RBFOX1: variants seen among roughly 807,000 people sequenced by gnomAD.
RBFOX1 encodes RNA binding protein fox-1 homolog 1.
RBFOX1 carries 8 observed loss-of-function variants against 57.7 expected under a neutral mutation model. The ratio of observed to expected loss-of-function variants is 0.14; its 90% CI spans 0.08 to 0.25. RBFOX1 has a LOEUF of 0.25. Ranked by LOEUF, RBFOX1 falls within the 10% of genes least tolerant of loss-of-function variation. RBFOX1 has a pLI of 1.00. For synonymous variants in RBFOX1, 326 were observed against 222.4 expected (o/e 1.47, Z -4.15); for missense variants, 611 against 548.5 (o/e 1.11, Z -1.14).
intron 3 of RBFOX1, among the ~76,000 whole-genome samples, chr16:6,846,558 A>T (rs1256402773): frequency 1.3e-5 from 2 of 152,198 alleles, no homozygotes; most frequent in Admixed American, 1.3e-4. Flanking sequence ...CTGTTCGGGG[A>T]GCTGCTGCAA....
At chr16:6,842,696 T>G (rs1187980262) in intron 3 of RBFOX1, among the ~76,000 whole-genome samples, 1 of 151,504 alleles carries the variant, frequency 6.6e-6, no homozygotes, top group Non-Finnish European at 1.5e-5. Context: ...GATACATGTG[T>G]AGAATGTGCA....
intron 3 of RBFOX1, among the ~76,000 whole-genome samples, chr16:5,756,464 A>T (rs573212319): frequency 4.6e-5 from 7 of 152,080 alleles, no homozygotes; most frequent in Admixed American, 1.3e-4. Flanking sequence ...AGTTTGTCAC[A>T]TCTCCCAAAT....
intron 4 of RBFOX1, among the ~76,000 whole-genome samples, chr16:5,897,396 C>A (rs767169981): frequency 6.6e-6 from 1 of 152,166 alleles, no homozygotes; most frequent in Non-Finnish European, 1.5e-5. Flanking sequence ...GCATCTTTAT[C>A]CACCCTCCTT....
At chr16:5,651,869 C>T (rs934082316) in intron 3 of RBFOX1, among the ~76,000 whole-genome samples, 1 of 152,188 alleles carries the variant, frequency 6.6e-6, no homozygotes, top group Non-Finnish European at 1.5e-5. Context: ...CACAGTGGCT[C>T]ATGCCTGTAA....
chr16:5,538,984 C>T (rs559406004), intron 2 of RBFOX1, among the ~76,000 whole-genome samples: 5 of 152,224 alleles, frequency 3.3e-5, no homozygotes, highest in Admixed American at 6.5e-5. Context: ...CATAGCAGCA[C>T]GGCTCCCACA....
At chr16:7,439,452 T>C (rs547566740) in intron 4 of RBFOX1, among the ~76,000 whole-genome samples, 1 of 152,140 alleles carries the variant, frequency 6.6e-6, no homozygotes, top group African/African-American at 2.4e-5. Context: ...AAATCATTTG[T>C]ATTCTTCTTG....
intron 7 of RBFOX1, among the ~76,000 whole-genome samples, chr16:7,592,863 G>C (rs769631315): frequency 1.3e-5 from 2 of 152,098 alleles, no homozygotes; most frequent in Non-Finnish European, 2.9e-5. Flanking sequence ...CCAGGCTGGA[G>C]TACAGGGGTA....
intron 3 of RBFOX1, among the ~76,000 whole-genome samples, chr16:6,872,502 A>C (rs183113282): frequency 3.3e-5 from 5 of 152,330 alleles, no homozygotes; most frequent in Non-Finnish European, 7.3e-5. Flanking sequence ...GGCTTCCCTG[A>C]ATTCCCTATG....
chr16:5,781,727 C>T (rs1186430407), intron 3 of RBFOX1, among the ~76,000 whole-genome samples: 1 of 152,166 alleles, frequency 6.6e-6, no homozygotes, highest in Non-Finnish European at 1.5e-5. Context: ...ATTTGAAAGC[C>T]CCCTTTTCTA....
chr16:6,612,573 C>T (rs895546324), intron 2 of RBFOX1, among the ~76,000 whole-genome samples: 1 of 152,044 alleles, frequency 6.6e-6, no homozygotes, highest in Non-Finnish European at 1.5e-5. Context: ...TTGTTTGGCC[C>T]GGGTGTAGTT....
intron 1 of RBFOX1, among the ~76,000 whole-genome samples, chr16:6,201,631 T>A (rs1216391521): frequency 1.3e-5 from 2 of 152,146 alleles, no homozygotes; most frequent in Admixed American, 1.3e-4. Flanking sequence ...TAGTTAACTA[T>A]ATTTTAGTGT....
At chr16:5,254,538 C>T (rs1372028814) in intron 1 of RBFOX1, among the ~76,000 whole-genome samples, 1 of 152,190 alleles carries the variant, frequency 6.6e-6, no homozygotes, top group African/African-American at 2.4e-5. Flanking sequence ...GCCCCCCGAT[C>T]TTCAGCTTCA....
chr16:6,174,461 G>A (rs780720665), intron 1 of RBFOX1, among the ~76,000 whole-genome samples: 4 of 152,162 alleles, frequency 2.6e-5, no homozygotes, highest in African/African-American at 4.8e-5. Context: ...TGGGCATGGA[G>A]GTGCGTGCCT....
intron 4 of RBFOX1, among the ~76,000 whole-genome samples, chr16:7,100,745 A>C (rs1011763483): frequency 6.6e-6 from 1 of 152,114 alleles, no homozygotes; most frequent in Non-Finnish European, 1.5e-5. Flanking sequence ...TCAGAGGGGG[A>C]AAAAAGATCC....
rs115782091 is a variant in RBFOX1, at chr16:5,249,636, T to C, written c.219+9531T>C. 3.6e-3 allele frequency among the ~76,000 whole-genome samples: 542 copies of C among 152,358 alleles called. 3 individuals carry two copies. The highest frequency in any genetic ancestry group is 0.012 in the African/African-American group (489 of 41,588). The stretch of plus-strand genomic sequence containing the variant: ...AATTTGTTAGTTTTTGTTCTGCTTA[T>C]TAAAAATACAAATTATTATTTGTTC... On this transcript the variant is annotated intron_variant, in intron 1 of 2. Coordinates refer to the RBFOX1 transcript ENST00000585867.
chr16:6,568,030 C>T (rs1205501372), intron 2 of RBFOX1, among the ~76,000 whole-genome samples: 1 of 152,122 alleles, frequency 6.6e-6, no homozygotes, highest in African/African-American at 2.4e-5. Flanking sequence ...CTATGTTGAA[C>T]AGGCTGGCCT....
chr16:5,442,228 G>A (rs1350108148), intron 1 of RBFOX1, among the ~76,000 whole-genome samples: 2 of 152,228 alleles, frequency 1.3e-5, no homozygotes, highest in African/African-American at 4.8e-5. Context: ...GGGGGAGGAT[G>A]TAGAAGGGCA....
chr16:5,530,283 G>A (rs1300433786), intron 2 of RBFOX1, among the ~76,000 whole-genome samples: 1 of 152,122 alleles, frequency 6.6e-6, no homozygotes, highest in East Asian at 1.9e-4. Flanking sequence ...CTTCTTAACT[G>A]CTTCTTTTGT....
At chr16:6,729,629 G>A (rs145832460) in intron 3 of RBFOX1, among the ~76,000 whole-genome samples, 80 of 152,270 alleles carry the variant, frequency 5.3e-4, no homozygotes, top group African/African-American at 1.8e-3. Flanking sequence ...GCTGTGTGTA[G>A]AAAGTACCTC....
Sources: gnomAD v4.1 joint callset for allele counts (sites outside exome capture counted in the v4.1 genomes callset) on GRCh38, gnomAD v4.1.1 for gene constraint, MANE v1.5 for transcripts, NCBI Gene and HGNC (gene_info 2026-07-23, HGNC 2026-07-21) for gene names.